Variants in BAZ2B observed in about 807,000 individuals in gnomAD.
BAZ2B encodes bromodomain adjacent to zinc finger domain protein 2B.
A neutral mutation model predicts 246.0 loss-of-function variants in BAZ2B; 91 were observed. That is an observed-to-expected ratio of 0.37 (90% CI 0.31 to 0.44). BAZ2B has a LOEUF of 0.44. Among genes scored for constraint, BAZ2B ranks in the 20% least tolerant of loss-of-function variants. The pLI, the probability that BAZ2B is intolerant of heterozygous loss-of-function variation, is 1.00. For synonymous variants in BAZ2B, 855 were observed against 860.0 expected (o/e 0.99, Z 0.10); for missense variants, 2,332 against 2,533.7 (o/e 0.92, Z 1.71).
intron 27 of BAZ2B, among the ~76,000 whole-genome samples, chr2:159,358,694 T>C (rs143206445): frequency 0.036 from 5,437 of 152,198 alleles, 192 homozygotes; most frequent in African/African-American, 0.096. Context: ...TATTCCAAAA[T>C]TGACCACATA....
chr2:159,408,354 C>A (rs2066284250), intron 14 of BAZ2B, among the ~76,000 whole-genome samples: 1 of 152,066 alleles, frequency 6.6e-6, no homozygotes, highest in African/African-American at 2.4e-5. Flanking sequence ...TTAAAAATTT[C>A]TTTTTGTGGT....
chr2:159,397,042 T>C (rs2064130566), intron 19 of BAZ2B: 1 of 1,351,754 alleles, frequency 7.4e-7, no homozygotes, highest in Non-Finnish European at 9.8e-7. Context: ...CACAATGCGG[T>C]GTTAGATGTA....
chr2:159,575,803 T>C (rs1270118754), intron 1 of BAZ2B, among the ~76,000 whole-genome samples: 1 of 152,280 alleles, frequency 6.6e-6, no homozygotes, highest in East Asian at 1.9e-4. Context: ...CTCAAGAATA[T>C]CATTTTCAAA....
the BAZ2B span, among the ~76,000 whole-genome samples, chr2:159,669,057 C>A: frequency 1.4e-5 from 2 of 147,966 alleles, no homozygotes; most frequent in Non-Finnish European, 3.0e-5. Context: ...GACTCCGTCT[C>A]AAAAAAAAAA....
At chr2:159,516,652 T>C (rs1461847529) in intron 2 of BAZ2B, 1 of 152,540 alleles carries the variant, frequency 6.6e-6, no homozygotes. Flanking sequence ...CTTGATTTCC[T>C]GGTAAACAAA....
At chr2:159,339,899 G>A (rs577144270) in intron 31 of BAZ2B, among the ~76,000 whole-genome samples, 1 of 152,222 alleles carries the variant, frequency 6.6e-6, no homozygotes, top group East Asian at 1.9e-4. Flanking sequence ...AGAGTAGATT[G>A]GTGGTTACCA....
chr2:159,611,795 C>T lies in BAZ2B; in HGVS notation c.-46+4447G>A, dbSNP rs562045114. On this transcript the variant is annotated intron_variant, in intron 1 of 36. Transcript: ENST00000392783. ...TTCTCTTAACATAGTAATAAATAAA[C>T]TATATTATATCCTTAAATCTTATTT... is the stretch of plus-strand genomic sequence containing the variant. 1.4e-3 allele frequency among the ~76,000 whole-genome samples: 219 copies of T among 151,912 alleles called. 1 individual carries two copies. Among genetic ancestry groups the T allele is most frequent in the Middle Eastern group, 3.4e-3 (1 of 294 alleles).
In BAZ2B at chr2:159,382,571, G is replaced by C; in HGVS notation, c.3993C>G (p.Ile1331Met). The stretch of plus-strand genomic sequence containing the variant: ...TAAATTTCATTACCTCATCTTCACA[G>C]ATATCAGTCTTTTTTCCTTTTTTGT... ...KEDKKGKKTD[I>M]CEDEDEGDQA... Residue 1331 changes from isoleucine (I) to methionine (M), a missense_variant, in exon 25 of 37, where the codon ATC becomes ATG. By Grantham distance (10) the Ile-to-Met change is conservative (BLOSUM62 1). Transcript: ENST00000392783. 1 of 1,550,226 alleles carries C rather than the reference G, an allele frequency of 6.5e-7. No homozygotes were observed. The highest frequency in any genetic ancestry group is 8.7e-7 in the Non-Finnish European group (1 of 1,146,340).
intron 5 of BAZ2B, 43 bp from the exon 6 acceptor site, chr2:159,447,018 T>C: frequency 7.3e-7 from 1 of 1,376,094 alleles, no homozygotes; most frequent in Non-Finnish European, 9.8e-7. Context: ...GGAATATTAT[T>C]GCATCATTTA....
intron 33 of BAZ2B, among the ~76,000 whole-genome samples, chr2:159,335,508 A>G (rs1417848163): frequency 1.3e-5 from 2 of 149,180 alleles, no homozygotes; most frequent in East Asian, 4.0e-4. Context: ...AGATTCTGCT[A>G]CTGCACTCCA....
At chr2:159,437,151 C>T (rs1035720384) in intron 8 of BAZ2B, among the ~76,000 whole-genome samples, 3 of 152,118 alleles carry the variant, frequency 2.0e-5, no homozygotes, top group Non-Finnish European at 4.4e-5. Context: ...CTAATTAAGT[C>T]GCCTAAAGAT....
intron 26 of BAZ2B, among the ~76,000 whole-genome samples, chr2:159,373,630 A>AGACC (rs1335130520): frequency 6.6e-6 from 1 of 152,184 alleles, no homozygotes; most frequent in Non-Finnish European, 1.5e-5. Context: ...CAGGAATTAG[A>AGACC]GACCAGCCTT....
chr2:159,525,874 T>C (rs1163264606), intron 2 of BAZ2B, among the ~76,000 whole-genome samples: 1 of 152,184 alleles, frequency 6.6e-6, no homozygotes, highest in Admixed American at 6.5e-5. Flanking sequence ...CACTAAGTGT[T>C]TGATTTTAAT....
At chr2:159,420,836 AT>A (rs1030079876) in intron 13 of BAZ2B, among the ~76,000 whole-genome samples, 9 of 152,170 alleles carry the variant, frequency 5.9e-5, no homozygotes, top group African/African-American at 2.2e-4. Context: ...TTATTCAACA[AT>A]TTTTTTATAA....
intron 2 of BAZ2B, among the ~76,000 whole-genome samples, chr2:159,498,045 C>T (rs2081339361): frequency 6.6e-6 from 1 of 152,200 alleles, no homozygotes; most frequent in Non-Finnish European, 1.5e-5. Context: ...GACTTTTTTA[C>T]AGCTCTGTAT....
At chr2:159,393,018 T>C (rs2063534605) in intron 20 of BAZ2B, among the ~76,000 whole-genome samples, 1 of 135,964 alleles carries the variant, frequency 7.4e-6, no homozygotes, top group South Asian at 2.5e-4. Flanking sequence ...AAAGTTAACA[T>C]TTGACTGATG....
chr2:159,429,162 T>C, intron 11 of BAZ2B, 38 bp downstream of exon 11: 1 of 1,390,612 alleles, frequency 7.2e-7, no homozygotes, highest in Non-Finnish European at 9.8e-7. Flanking sequence ...CATAAATATA[T>C]GGGGGAAAAA....
Position 159,334,711 on chromosome 2 carries a change from G to C in BAZ2B, c.5797-2025C>G, listed in dbSNP as rs549639769. Among the ~76,000 whole-genome samples the C allele has an allele frequency of 2.0e-5, 3 of 152,248 alleles. No individual in the cohort carries two copies. The South Asian group carries it at 6.2e-4, about 32-fold the overall frequency. ...GATGAAGAACAAGAGAAAGGTTAAT[G>C]AATTTGCAAAAATGGAAATAAAGCT... is the stretch of plus-strand genomic sequence containing the variant. On this transcript the variant is annotated intron_variant, in intron 33 of 36. Transcript: ENST00000392783.
At chr2:159,577,122 G>A (rs1685538579) in intron 1 of BAZ2B, among the ~76,000 whole-genome samples, 2 of 150,318 alleles carry the variant, frequency 1.3e-5, no homozygotes, top group Admixed American at 6.6e-5. Flanking sequence ...CAGCTACTCG[G>A]AAGGCTGAGG....
Sources: gnomAD v4.1 joint callset for allele counts (sites outside exome capture counted in the v4.1 genomes callset) on GRCh38, gnomAD v4.1.1 for gene constraint, MANE v1.5 for transcripts, NCBI Gene and HGNC (gene_info 2026-07-23, HGNC 2026-07-21) for gene names.